Variants in ZC3H12C observed in about 807,000 individuals in gnomAD.
ZC3H12C encodes zinc finger CCCH-type containing 12C.
In ZC3H12C, 20 loss-of-function variants were observed where a neutral mutation model predicts 76.3. That is an observed-to-expected ratio of 0.26 (90% CI 0.18 to 0.38). The LOEUF is 0.38. ZC3H12C is among the 10% of genes least tolerant of loss of function. The pLI is 1.00. For synonymous variants in ZC3H12C, 352 were observed against 399.6 expected, an observed-to-expected ratio of 0.88 and a Z score of 1.42; for missense variants, 874 against 1,086.5, an observed-to-expected ratio of 0.80 and a Z score of 2.75.
rs143182695 is a variant in ZC3H12C at position 110,165,695 on chromosome 11, C to A, written c.2610C>A (p.Leu870=). Residue 870 remains leucine (L), a synonymous_variant, in exon 6 of 6, where the codon CTC becomes CTA. Transcript: ENST00000278590. ...RNPHMTDAQQ[L]AAAILVEKSQ... Reference sequence around the variant, plus strand: ...CTCACATGACAGACGCCCAGCAGCTCGCCGCAGCCATTTTAGTGGAGAAAT... The same window carrying A: ...CTCACATGACAGACGCCCAGCAGCTAGCCGCAGCCATTTTAGTGGAGAAAT... 1.2e-3 allele frequency: 1,844 copies of A among 1,593,984 alleles called. 24 individuals are homozygous for A. In the African/African-American group the frequency reaches 0.022, roughly 19 times the overall value.
chr11:110,152,076 C>T (rs890154792), intron 2 of ZC3H12C, among the ~76,000 whole-genome samples: 10 of 152,118 alleles, frequency 6.6e-5, no homozygotes, highest in African/African-American at 2.4e-4. Context: ...TATAAAAGAA[C>T]ATAATTATTG....
intron 1 of ZC3H12C, among the ~76,000 whole-genome samples, chr11:110,101,547 ATTTTTT>A (rs71476066): frequency 7.4e-6 from 1 of 135,434 alleles, no homozygotes; most frequent in Non-Finnish European, 1.6e-5. Flanking sequence ...AATCAATGCT[ATTTTTT>A]TTTTTTTTTT....
At chr11:110,116,940 T>C (rs1398068499) in intron 1 of ZC3H12C, among the ~76,000 whole-genome samples, 1 of 152,230 alleles carries the variant, frequency 6.6e-6, no homozygotes, top group African/African-American at 2.4e-5. Flanking sequence ...TTCTTTGTAC[T>C]TTATACTAGA....
chr11:110,115,166 G>A (rs1166197397), intron 1 of ZC3H12C, among the ~76,000 whole-genome samples: 1 of 152,062 alleles, frequency 6.6e-6, no homozygotes, highest in East Asian at 1.9e-4. Context: ...GAGTACAGTG[G>A]CACGATGATG....
chr11:110,158,504 A>C (rs1862418419), intron 3 of ZC3H12C, among the ~76,000 whole-genome samples: 1 of 151,510 alleles, frequency 6.6e-6, no homozygotes, highest in Non-Finnish European at 1.5e-5. Flanking sequence ...ACCAAGACTC[A>C]GTCACAGAAA....
intron 1 of ZC3H12C, among the ~76,000 whole-genome samples, chr11:110,103,225 A>G (rs182653878): frequency 1.0e-3 from 159 of 152,374 alleles, no homozygotes; most frequent in African/African-American, 3.4e-3. Flanking sequence ...TTGAGGGGCA[A>G]TACACATTTG....
At chr11:110,157,312 A>C (rs3017769) in intron 3 of ZC3H12C, among the ~76,000 whole-genome samples, 2 of 152,010 alleles carry the variant, frequency 1.3e-5, no homozygotes, top group African/African-American at 4.8e-5. Context: ...TGTACTTCTC[A>C]TAGTCTATCA....
intron 1 of ZC3H12C, among the ~76,000 whole-genome samples, chr11:110,107,786 A>G (rs528897875): frequency 3.3e-5 from 5 of 152,136 alleles, no homozygotes; most frequent in African/African-American, 1.2e-4. Context: ...TTGGCCTCTC[A>G]ATAAGTGCTG....
At chr11:110,159,168 T>C in intron 3 of ZC3H12C, 88 bp from the exon 4 acceptor site, 1 of 977,538 alleles carries the variant, frequency 1.0e-6, no homozygotes, top group African/African-American at 1.6e-5. Flanking sequence ...ATACAGCTTA[T>C]GTTTTAGAGT....
chr11:110,158,495 C>G (rs607434), intron 3 of ZC3H12C, among the ~76,000 whole-genome samples: 104,453 of 151,502 alleles, frequency 0.69, 36,792 homozygotes, highest in South Asian at 0.79. Flanking sequence ...GGGCGATAGA[C>G]CAAGACTCAG....
At chr11:110,162,633 G>C (rs143118226) in intron 4 of ZC3H12C, among the ~76,000 whole-genome samples, 4 of 152,140 alleles carry the variant, frequency 2.6e-5, no homozygotes, top group South Asian at 2.1e-4. Flanking sequence ...ACTGAGAAGC[G>C]CATTCAAATA....
At chr11:110,159,617 C>T (rs1010786120) in intron 4 of ZC3H12C, 127 bp downstream of exon 4, 1 of 802,068 alleles carries the variant, frequency 1.2e-6, no homozygotes, top group Non-Finnish European at 1.9e-6. Context: ...AACTGATCTC[C>T]CCACTGATCC....
Position 110,165,692 on chromosome 11 carries a change from G to A in ZC3H12C, c.2607G>A (p.Gln869=). 6.3e-7 allele frequency: 1 copy of A among 1,594,258 alleles called. No homozygotes were observed. Among genetic ancestry groups the A allele is most frequent in the Non-Finnish European group, 8.5e-7 (1 of 1,169,796 alleles). Residue 869 remains glutamine (Q), a synonymous_variant, in exon 6 of 6, where the codon CAG becomes CAA. Coordinates refer to ENST00000278590, the MANE Select transcript of ZC3H12C (RefSeq NM_033390.2). ...KRNPHMTDAQ[Q]LAAAILVEKS... ...ATCCTCACATGACAGACGCCCAGCAGCTCGCCGCAGCCATTTTAGTGGAGA... is the reference window on the plus strand; with the variant it reads ...ATCCTCACATGACAGACGCCCAGCAACTCGCCGCAGCCATTTTAGTGGAGA...
chr11:110,129,060 C>G (rs577393284), intron 1 of ZC3H12C, among the ~76,000 whole-genome samples: 2 of 152,166 alleles, frequency 1.3e-5, no homozygotes, highest in East Asian at 3.9e-4. Flanking sequence ...TGAAATGAGA[C>G]CATCGCCTTA....
chr11:110,145,137 AG>A (rs1862139761), intron 2 of ZC3H12C, among the ~76,000 whole-genome samples: 1 of 152,206 alleles, frequency 6.6e-6, no homozygotes, highest in South Asian at 2.1e-4. Context: ...TAACCATTGT[AG>A]GTGGCTAATA....
chr11:110,104,005 T>C (rs1303197267), intron 1 of ZC3H12C, among the ~76,000 whole-genome samples: 3 of 151,746 alleles, frequency 2.0e-5, no homozygotes, highest in African/African-American at 7.3e-5. Context: ...TCTTTTTTTT[T>C]TTTTTTTGAG....
intron 2 of ZC3H12C, among the ~76,000 whole-genome samples, chr11:110,140,319 A>T (rs1565261692): frequency 6.6e-6 from 1 of 152,206 alleles, no homozygotes; most frequent in Non-Finnish European, 1.5e-5. Flanking sequence ...CTAGCGAGCT[A>T]TCCAGAGTGG....
chr11:110,152,459 G>A (rs2134190786), intron 2 of ZC3H12C, among the ~76,000 whole-genome samples: 1 of 152,222 alleles, frequency 6.6e-6, no homozygotes, highest in African/African-American at 2.4e-5. Context: ...ATTGAGTATT[G>A]AAATATACAC....
chr11:110,134,695 A>G (rs954203507), intron 1 of ZC3H12C, among the ~76,000 whole-genome samples: 3 of 152,258 alleles, frequency 2.0e-5, no homozygotes, highest in African/African-American at 7.2e-5. Flanking sequence ...CCTAAGGGAT[A>G]TTTCTTTTTA....
Sources: gnomAD v4.1 joint callset for allele counts (sites outside exome capture counted in the v4.1 genomes callset) on GRCh38, gnomAD v4.1.1 for gene constraint, MANE v1.5 for transcripts, NCBI Gene and HGNC (gene_info 2026-07-23, HGNC 2026-07-21) for gene names.